NRG1: variants seen among roughly 807,000 people sequenced by gnomAD.
The protein encoded by NRG1 is pro-neuregulin-1, membrane-bound isoform.
Under a neutral mutation model 63.8 loss-of-function variants are expected in NRG1, and 18 were observed. That is an observed-to-expected ratio of 0.28 (90% confidence interval 0.19 to 0.42). NRG1 has a LOEUF of 0.42. NRG1 is among the 10% of genes least tolerant of loss of function. The pLI, the probability that NRG1 is intolerant of heterozygous loss-of-function variation, is 1.00. For missense variants in NRG1, 762 were observed against 814.7 expected, an observed-to-expected ratio of 0.94 and a Z score of 0.79; for synonymous variants, 302 against 301.3, an observed-to-expected ratio of 1.00 and a Z score of -0.02.
chr8:31,954,876 G>A (rs944078541), intron 1 of NRG1, among the ~76,000 whole-genome samples: 5 of 152,038 alleles, frequency 3.3e-5, no homozygotes, highest in African/African-American at 9.7e-5. Context: ...AATGACCCCC[G>A]CTGGCTTTGA....
intron 1 of NRG1, among the ~76,000 whole-genome samples, chr8:31,856,589 G>A (rs1469749900): frequency 5.9e-5 from 9 of 152,270 alleles, no homozygotes; most frequent in East Asian, 3.9e-4. Context: ...TAATTTGATT[G>A]TCTGAAGCCT....
intron 1 of NRG1, among the ~76,000 whole-genome samples, chr8:32,185,060 T>C (rs1563883767): frequency 1.3e-5 from 2 of 152,200 alleles, no homozygotes; most frequent in African/African-American, 4.8e-5. Context: ...TTTGTCATTT[T>C]TCCTAAGCCT....
intron 1 of NRG1, among the ~76,000 whole-genome samples, chr8:32,550,413 T>C (rs1178707222): frequency 1.3e-5 from 2 of 152,158 alleles, no homozygotes; most frequent in Non-Finnish European, 2.9e-5. Flanking sequence ...GCTCAAATCG[T>C]TGTAAAGAGT....
chr8:31,841,025 A>G (rs1826153446), intron 1 of NRG1, among the ~76,000 whole-genome samples: 1 of 152,166 alleles, frequency 6.6e-6, no homozygotes, highest in Non-Finnish European at 1.5e-5. Context: ...GGTTAGAGGG[A>G]TGCAAAGACA....
intron 1 of NRG1, among the ~76,000 whole-genome samples, chr8:31,857,305 A>G (rs1217320209): frequency 4.6e-5 from 7 of 152,216 alleles, no homozygotes; most frequent in African/African-American, 1.7e-4. Flanking sequence ...TGCGGGATAT[A>G]ATCTCCTGAT....
intron 1 of NRG1, among the ~76,000 whole-genome samples, chr8:32,503,937 GGGGT>G (rs1287292345): frequency 6.6e-6 from 1 of 152,122 alleles, no homozygotes; most frequent in Admixed American, 6.5e-5. Context: ...TTCTTTCCTT[GGGGT>G]GGGCTGTCCA....
At chr8:31,669,194 G>A (rs746331380) in intron 1 of NRG1, among the ~76,000 whole-genome samples, 4 of 151,648 alleles carry the variant, frequency 2.6e-5, no homozygotes, top group Non-Finnish European at 4.4e-5. Context: ...TAGATGGGAT[G>A]GGTCTACAGG....
At chr8:31,735,324 T>C (rs920974091) in intron 1 of NRG1, among the ~76,000 whole-genome samples, 1 of 152,182 alleles carries the variant, frequency 6.6e-6, no homozygotes, top group Non-Finnish European at 1.5e-5. Context: ...CCATATTTAG[T>C]GTTAGTAAAA....
At chr8:32,368,235 G>A (rs1189190476) in intron 1 of NRG1, among the ~76,000 whole-genome samples, 1 of 152,162 alleles carries the variant, frequency 6.6e-6, no homozygotes, top group East Asian at 1.9e-4. Context: ...TAGCTTCTGA[G>A]TAATGAAGAG....
chr8:32,336,076 C>A (rs896590077), intron 1 of NRG1, among the ~76,000 whole-genome samples: 1 of 152,204 alleles, frequency 6.6e-6, no homozygotes, highest in African/African-American at 2.4e-5. Context: ...GCAAGTGGCA[C>A]CCATGGCTTG....
intron 1 of NRG1, among the ~76,000 whole-genome samples, chr8:32,274,876 T>C (rs1259236716): frequency 6.6e-6 from 1 of 152,156 alleles, no homozygotes; most frequent in Admixed American, 6.5e-5. Context: ...AAAAATCCCA[T>C]GCATTTTGGA....
chr8:31,945,528 TGC>T (rs1286989664), intron 1 of NRG1, among the ~76,000 whole-genome samples: 1 of 152,218 alleles, frequency 6.6e-6, no homozygotes, highest in African/African-American at 2.4e-5. Context: ...GATAAATATG[TGC>T]GCCCCTTTTT....
chr8:32,159,540 C>CAAAAA (rs10684266), intron 1 of NRG1, among the ~76,000 whole-genome samples: 2 of 73,686 alleles, frequency 2.7e-5, no homozygotes, highest in Admixed American at 3.1e-4. Flanking sequence ...GACTCCGTCT[C>CAAAAA]AAAAAAAAAA....
chr8:32,556,629 A>G (rs1018019760), intron 1 of NRG1, among the ~76,000 whole-genome samples: 1 of 152,242 alleles, frequency 6.6e-6, no homozygotes, highest in African/African-American at 2.4e-5. Flanking sequence ...TCACAGTACT[A>G]CATCAATGCA....
chr8:31,710,446 C>G (rs1021621997), intron 1 of NRG1, among the ~76,000 whole-genome samples: 8 of 151,992 alleles, frequency 5.3e-5, no homozygotes, highest in Admixed American at 1.3e-4. Context: ...TGATGCTACT[C>G]TATTCTCATA....
At chr8:32,720,986 T>C (rs1005197189) in intron 5 of NRG1, among the ~76,000 whole-genome samples, 1 of 152,320 alleles carries the variant, frequency 6.6e-6, no homozygotes, top group African/African-American at 2.4e-5. Context: ...AATTATAATT[T>C]TGTTTTATCA....
intron 1 of NRG1, among the ~76,000 whole-genome samples, chr8:31,647,011 G>A (rs1483895821): frequency 6.6e-6 from 1 of 152,168 alleles, no homozygotes; most frequent in Non-Finnish European, 1.5e-5. Context: ...AAATTCCAGT[G>A]TTGTAAATGC....
At chr8:32,037,298 C>T (rs1324848911) in intron 1 of NRG1, among the ~76,000 whole-genome samples, 2 of 152,170 alleles carry the variant, frequency 1.3e-5, no homozygotes, top group Non-Finnish European at 2.9e-5. Context: ...GCAAAGATGG[C>T]AGAGTGCTCC....
chr8:31,898,327 T>C (rs1415176970), intron 1 of NRG1, among the ~76,000 whole-genome samples: 1 of 152,196 alleles, frequency 6.6e-6, no homozygotes, highest in Non-Finnish European at 1.5e-5. Flanking sequence ...TAATAACCAC[T>C]ATGTGCCAGG....
Sources: gnomAD v4.1 joint callset for allele counts (sites outside exome capture counted in the v4.1 genomes callset) on GRCh38, gnomAD v4.1.1 for gene constraint, MANE v1.5 for transcripts, NCBI Gene and HGNC (gene_info 2026-07-23, HGNC 2026-07-21) for gene names.